Variants in HGD observed in about 807,000 individuals in gnomAD.
HGD encodes homogentisate 1,2-dioxygenase.
HGD carries 61 observed loss-of-function variants against 60.8 expected under a neutral mutation model. That is an observed-to-expected ratio of 1.00 (90% confidence interval 0.82 to 1.24). The LOEUF (loss-of-function observed/expected upper bound fraction) is 1.24, where lower values mean the gene tolerates loss of function less well. Among genes scored for constraint, HGD ranks in the 50% most tolerant of loss-of-function variants. HGD has a pLI of 0.00. For missense variants in HGD, 542 were observed against 547.1 expected (o/e 0.99, Z 0.09); for synonymous variants, 212 against 187.7 (o/e 1.13, Z -1.06).
intron 2 of HGD, among the ~76,000 whole-genome samples, chr3:120,675,458 A>C (rs1363597307): frequency 3.3e-5 from 5 of 152,120 alleles, no homozygotes; most frequent in Non-Finnish European, 5.9e-5. Context: ...TTGTGCATAC[A>C]TGTGAAAGCA....
At chr3:120,681,802 G>A (rs1394338542) in intron 1 of HGD, among the ~76,000 whole-genome samples, 1 of 152,196 alleles carries the variant, frequency 6.6e-6, no homozygotes, top group Non-Finnish European at 1.5e-5. Flanking sequence ...AGAGAGAAAC[G>A]TGCATGTCCG....
At chr3:120,635,243 C>T (rs200649265) in intron 12 of HGD, among the ~76,000 whole-genome samples, 2 of 151,962 alleles carry the variant, frequency 1.3e-5, no homozygotes, top group South Asian at 2.1e-4. Context: ...TTTGGGAGGC[C>T]GAGGCGGGTG....
At chr3:120,646,203 T>A in intron 9 of HGD, 64 bp downstream of exon 9, 2 of 1,010,812 alleles carry the variant, frequency 2.0e-6, no homozygotes, top group South Asian at 2.5e-5. Context: ...GATGTTTAAC[T>A]TTCATGCAAT....
rs139776007 is a variant in HGD, at chr3:120,660,562, C to T, written c.283-7911G>A. The stretch of plus-strand genomic sequence containing the variant: ...CTTTCAGGCCAAGCGAGGTGGTTCA[C>T]GCCTGTAATCCCAGCACTTTGGGAG... On this transcript the variant is annotated intron_variant, in intron 4 of 13. Coordinates refer to ENST00000283871, the MANE Select transcript of HGD (RefSeq NM_000187.4). Among the ~76,000 whole-genome samples the T allele has an allele frequency of 1.6e-3, 250 of 152,290 alleles. 1 individual carries two copies. Among genetic ancestry groups the T allele is most frequent in the African/African-American group, 5.7e-3 (236 of 41,576 alleles).
At chr3:120,634,914 T>A (rs1940711080) in intron 12 of HGD, among the ~76,000 whole-genome samples, 1 of 152,220 alleles carries the variant, frequency 6.6e-6, no homozygotes, top group Admixed American at 6.5e-5. Flanking sequence ...CTCTATGAAG[T>A]GGAAATACAG....
chr3:120,631,541 T>C (rs1940591556), intron 13 of HGD, among the ~76,000 whole-genome samples: 1 of 152,192 alleles, frequency 6.6e-6, no homozygotes. Context: ...AAAAGCACTA[T>C]TCACATACAA....
chr3:120,640,618 C>T (rs1940939753), intron 11 of HGD, among the ~76,000 whole-genome samples: 1 of 152,236 alleles, frequency 6.6e-6, no homozygotes, highest in African/African-American at 2.4e-5. Context: ...ACCCTTATTG[C>T]TGTGAGAATT....
rs531452758 is a variant in HGD at position 120,677,952 on chromosome 3, C to T, written c.16-2089G>A. ...GATACTCAGTGGCGTGGAGATGTAA[C>T]AAGCCTGGATGTGTGAGTGATGATC... is the stretch of plus-strand genomic sequence containing the variant. On this transcript the variant is annotated intron_variant, in intron 1 of 13. Transcript: ENST00000283871. 2.6e-5 allele frequency: 4 copies of T among 152,292 alleles called. No individual in the cohort carries two copies. In the South Asian group the frequency reaches 8.3e-4, roughly 32 times the overall value. The allele number at this position is 152,292 out of a possible 1,614,324, so 9.4% of individuals were successfully genotyped here.
rs374204283 is a variant in HGD, at chr3:120,681,812, G to A, written c.15+285C>T. Among the ~76,000 whole-genome samples, 7 of 152,330 alleles carry A rather than the reference G, an allele frequency of 4.6e-5. No individual in the cohort carries two copies. In the South Asian group the frequency reaches 1.2e-3, roughly 27 times the overall value. On this transcript the variant is annotated intron_variant, in intron 1 of 13. Coordinates refer to ENST00000283871, the MANE Select transcript of HGD (RefSeq NM_000187.4). ...GACATAGAGAGAAACGTGCATGTCC[G>A]TAGTGGAGGGGAGCTCTTAGGATGT...
chr3:120,644,526 T>C lies in HGD; in HGVS notation c.650-83A>G, dbSNP rs1941099197. ...CATGGTTGCATGAAGAGAAAGGCTT[T>C]CTTTCATGTCAAGAGCTACTCCACA... On this transcript the variant is annotated intron_variant, in intron 9 of 13. Coordinates refer to ENST00000283871, the MANE Select transcript of HGD (RefSeq NM_000187.4). 15 of 1,603,666 alleles carry C rather than the reference T, an allele frequency of 9.4e-6. No individual in the cohort carries two copies. The South Asian group carries it at 1.7e-4, about 18-fold the overall frequency.
chr3:120,649,288 G>A (rs554013353), intron 6 of HGD, among the ~76,000 whole-genome samples: 6 of 151,374 alleles, frequency 4.0e-5, no homozygotes, highest in East Asian at 1.9e-4. Flanking sequence ...GATTACAGGC[G>A]CCCACCACCA....
chr3:120,631,220 A>C (rs1940582682), intron 13 of HGD, among the ~76,000 whole-genome samples: 1 of 152,154 alleles, frequency 6.6e-6, no homozygotes, highest in African/African-American at 2.4e-5. Context: ...TGTACCCCTG[A>C]ACCTCAAATA....
chr3:120,647,649 A>G (rs1941206595), intron 7 of HGD, among the ~76,000 whole-genome samples: 1 of 152,196 alleles, frequency 6.6e-6, no homozygotes, highest in Non-Finnish European at 1.5e-5. Flanking sequence ...AGAAAGGTCC[A>G]GAAGAGATGG....
At chr3:120,643,745 T>C (rs999348805) in intron 10 of HGD, among the ~76,000 whole-genome samples, 1 of 152,184 alleles carries the variant, frequency 6.6e-6, no homozygotes, top group Non-Finnish European at 1.5e-5. Context: ...CATTTAGTAA[T>C]ATATTATGTT....
Position 120,647,009 on chromosome 3 carries a change from C to A in HGD, c.513G>T (p.Lys171Asn). The change falls in exon 8 of 14, where the codon AAG (lysine) becomes AAT (asparagine). Residue 171 changes from lysine to asparagine, a missense_variant. Transcript: ENST00000283871. Reference sequence around the variant, plus strand: ...AGATCTCATTGGGCTGTACAAGCATCTTGCCAAACTCGGTGTAAATGAGAA... The same window carrying A: ...AGATCTCATTGGGCTGTACAAGCATATTGCCAAACTCGGTGTAAATGAGAA... ...GNLLIYTEFGKMLVQPNEICV... is the reference protein window; with the variant it reads ...GNLLIYTEFGNMLVQPNEICV... The A allele has an allele frequency of 1.2e-6, 2 of 1,614,116 alleles. No individual in the cohort carries two copies. The highest frequency in any genetic ancestry group is 2.2e-5 in the South Asian group (2 of 91,080).
chr3:120,633,320 T>C lies in HGD; in HGVS notation c.1015A>G (p.Met339Val), dbSNP rs1411355596. The change falls in exon 13 of 14, where the codon ATG (methionine) becomes GTG (valine). Residue 339 changes from methionine (M) to valine (V), a missense_variant. By Grantham distance (21) the Met-to-Val change is conservative (BLOSUM62 1). Coordinates refer to ENST00000283871, the MANE Select transcript of HGD (RefSeq NM_000187.4). ...CGGATGAGTCCCATGAACTCACTCA[T>C]GCAGTTCCCTGGGAAGGTTGAAGCA... ...FRPPYYHRNC[M>V]SEFMGLIRGH... 9 of 1,614,084 alleles carry C rather than the reference T, an allele frequency of 5.6e-6. No individual in the cohort carries two copies. Among genetic ancestry groups the C allele is most frequent in the Non-Finnish European group, 7.6e-6 (9 of 1,180,038 alleles).
chr3:120,633,174 TGCCA>T lies in HGD; in HGVS notation c.1157_1160del (p.Leu386HisfsTer18), dbSNP rs772802378. 2 of 1,614,084 alleles carry T rather than the reference TGCCA, an allele frequency of 1.2e-6. No homozygotes were observed. Among genetic ancestry groups the T allele is most frequent in the East Asian group, 4.5e-5 (2 of 44,874 alleles). On this transcript the variant is annotated frameshift_variant, in exon 13 of 14. Transcript: ENST00000283871. LOFTEE classifies it high-confidence loss of function. Reference sequence around the variant, plus strand: ...TGGTGCCATCGGCAATCCTCTCAGGTGCCAGCTTGACCTTGCTGGCCTTCTCAAA... The same window carrying T: ...TGGTGCCATCGGCAATCCTCTCAGGTGCTTGACCTTGCTGGCCTTCTCAAA...
intron 13 of HGD, among the ~76,000 whole-genome samples, chr3:120,630,825 T>TATATATATATATATATATAC (rs1491569082): frequency 2.2e-4 from 23 of 104,126 alleles, no homozygotes; most frequent in Middle Eastern, 4.9e-3. Context: ...TATATATATA[T>TATATATATATATATATATAC]ACACATACAC....
intron 4 of HGD, among the ~76,000 whole-genome samples, chr3:120,663,382 T>A (rs1000459618): frequency 3.9e-5 from 6 of 152,114 alleles, no homozygotes; most frequent in African/African-American, 7.2e-5. Flanking sequence ...GACTTACAGT[T>A]CCACGTGGCT....
Sources: gnomAD v4.1 joint callset for allele counts (sites outside exome capture counted in the v4.1 genomes callset) on GRCh38, gnomAD v4.1.1 for gene constraint, MANE v1.5 for transcripts, NCBI Gene and HGNC (gene_info 2026-07-23, HGNC 2026-07-21) for gene names.